The following CNTNAP5 variants were observed in gnomAD, a reference collection of about 807,000 sequenced individuals.
CNTNAP5 encodes contactin-associated protein-like 5.
A neutral mutation model predicts 150.2 loss-of-function variants in CNTNAP5; 72 were observed. That is an observed-to-expected ratio of 0.48 (90% CI 0.40 to 0.58). The LOEUF is 0.58. Ranked by LOEUF, CNTNAP5 falls within the 20% of genes least tolerant of loss-of-function variation. The pLI is 0.00. For synonymous variants in CNTNAP5, 672 were observed against 619.8 expected, an observed-to-expected ratio of 1.08 and a Z score of -1.25; for missense variants, 1,636 against 1,626.2, an observed-to-expected ratio of 1.01 and a Z score of -0.10.
At chr2:124,686,750 T>C (rs896535901) in intron 13 of CNTNAP5, among the ~76,000 whole-genome samples, 1 of 152,162 alleles carries the variant, frequency 6.6e-6, no homozygotes, top group Non-Finnish European at 1.5e-5. Flanking sequence ...TGGTTTGTTA[T>C]GCAGCAATAG....
intron 3 of CNTNAP5, among the ~76,000 whole-genome samples, chr2:124,362,743 A>C (rs1384103246): frequency 6.6e-6 from 1 of 152,192 alleles, no homozygotes; most frequent in African/African-American, 2.4e-5. Flanking sequence ...TGAGATTGCC[A>C]TCTGTACCTT....
At chr2:124,824,821 A>T (rs999640779) in intron 19 of CNTNAP5, among the ~76,000 whole-genome samples, 23 of 152,290 alleles carry the variant, frequency 1.5e-4, no homozygotes, top group Non-Finnish European at 2.8e-4. Flanking sequence ...TTCCTACAGG[A>T]CTGTCACACA....
chr2:124,760,661 G>A (rs1464755648), intron 14 of CNTNAP5, among the ~76,000 whole-genome samples: 1 of 152,010 alleles, frequency 6.6e-6, no homozygotes, highest in Non-Finnish European at 1.5e-5. Flanking sequence ...ATGTGCCCTT[G>A]TAGACTCCAT....
At chr2:124,706,961 GAGGAGA>G (rs1679675855) in intron 13 of CNTNAP5, among the ~76,000 whole-genome samples, 3 of 72,640 alleles carry the variant, frequency 4.1e-5, no homozygotes, top group African/African-American at 5.3e-5. Context: ...GGAGGAGGAG[GAGGAGA>G]AGAGGAAGAG....
chr2:124,039,667 C>T (rs978715954), intron 1 of CNTNAP5, among the ~76,000 whole-genome samples: 5 of 152,118 alleles, frequency 3.3e-5, no homozygotes, highest in Admixed American at 6.5e-5. Context: ...GTGTTTACTT[C>T]GGGTGCCATT....
At chr2:124,310,265 T>C (rs1688792179) in intron 3 of CNTNAP5, among the ~76,000 whole-genome samples, 1 of 152,042 alleles carries the variant, frequency 6.6e-6, no homozygotes, top group Admixed American at 6.6e-5. Context: ...CGGTCCCTGA[T>C]GTAGATTGTA....
intron 6 of CNTNAP5, among the ~76,000 whole-genome samples, chr2:124,465,896 T>C (rs1693366170): frequency 2.0e-5 from 3 of 152,150 alleles, no homozygotes; most frequent in African/African-American, 7.2e-5. Flanking sequence ...CTAGGAGTTC[T>C]TGGATGGAGG....
rs201904132 is a variant in CNTNAP5 at position 124,820,685 on chromosome 2, C to A, written c.3217+22365C>A. Among the ~76,000 whole-genome samples the A allele has an allele frequency of 3.3e-5, 5 of 152,006 alleles. No homozygotes were observed. In the East Asian group the frequency reaches 9.7e-4, roughly 29 times the overall value. On this transcript the variant is annotated intron_variant, in intron 19 of 23. Coordinates refer to ENST00000682447, the MANE Select transcript of CNTNAP5 (RefSeq NM_001367498.1). ...GTAATCTTCTCTTAAATATGGTAGT[C>A]CCTCATATTTATTCAACAAGTCATT...
intron 16 of CNTNAP5, among the ~76,000 whole-genome samples, chr2:124,764,616 A>C (rs765614992): frequency 6.6e-6 from 1 of 152,300 alleles, no homozygotes; most frequent in South Asian, 2.1e-4. Flanking sequence ...TTTCTCTGCC[A>C]CTTCCCCATG....
chr2:124,191,684 G>C (rs905339327), intron 1 of CNTNAP5, among the ~76,000 whole-genome samples: 1 of 152,074 alleles, frequency 6.6e-6, no homozygotes, highest in African/African-American at 2.4e-5. Flanking sequence ...GGGAGGCCCA[G>C]GCAGGTGGAT....
At chr2:124,150,441 T>A (rs1215416438) in intron 1 of CNTNAP5, among the ~76,000 whole-genome samples, 3 of 152,200 alleles carry the variant, frequency 2.0e-5, no homozygotes, top group African/African-American at 7.2e-5. Flanking sequence ...AATTTAGAGA[T>A]ATTGGATAAT....
At chr2:124,269,443 G>T (rs1422006237) in intron 3 of CNTNAP5, among the ~76,000 whole-genome samples, 1 of 152,090 alleles carries the variant, frequency 6.6e-6, no homozygotes, top group Non-Finnish European at 1.5e-5. Context: ...TGCTAGTAAT[G>T]CCTGCGATAA....
rs569764927 is a variant in CNTNAP5, at chr2:124,810,758, G to A, written c.3217+12438G>A. On this transcript the variant is annotated intron_variant, in intron 19 of 23. Transcript: ENST00000682447. ...CAGAGAAAAACCAGTCTGGGTCAAT[G>A]GTTCTCAGCTGGGCATGCTATTGCC... Among the ~76,000 whole-genome samples, 413 of 152,216 alleles carry A rather than the reference G, an allele frequency of 2.7e-3. 5 individuals carry two copies. Among genetic ancestry groups the A allele is most frequent in the African/African-American group, 9.5e-3 (396 of 41,552 alleles).
intron 4 of CNTNAP5, among the ~76,000 whole-genome samples, chr2:124,419,973 T>TCTCTTTCC: frequency 9.7e-6 from 1 of 102,734 alleles, no homozygotes; most frequent in Non-Finnish European, 2.0e-5. Flanking sequence ...TCTCTCTCTC[T>TCTCTTTCC]TTCTTTCTTT....
At chr2:124,407,930 G>A (rs925165970) in intron 3 of CNTNAP5, among the ~76,000 whole-genome samples, 3 of 152,158 alleles carry the variant, frequency 2.0e-5, no homozygotes, top group African/African-American at 4.8e-5. Flanking sequence ...CAGCGTGAGC[G>A]ACGCAGAAGA....
intron 8 of CNTNAP5, among the ~76,000 whole-genome samples, chr2:124,520,318 C>CT (rs1167449362): frequency 6.6e-6 from 1 of 152,194 alleles, no homozygotes; most frequent in Middle Eastern, 3.2e-3. Flanking sequence ...GTGTCAAGAA[C>CT]TACCTTCACC....
chr2:124,152,203 C>T (rs1312220530), intron 1 of CNTNAP5, among the ~76,000 whole-genome samples: 1 of 152,134 alleles, frequency 6.6e-6, no homozygotes, highest in African/African-American at 2.4e-5. Flanking sequence ...GTCTGACTTT[C>T]CTGTCTAAGT....
chr2:124,362,967 A>G (rs1053705689), intron 3 of CNTNAP5, among the ~76,000 whole-genome samples: 1 of 152,228 alleles, frequency 6.6e-6, no homozygotes, highest in East Asian at 1.9e-4. Context: ...ACTATGAGTC[A>G]GTCTCCTTTG....
In CNTNAP5 at chr2:124,538,010, C is replaced by T. The variant is rs142536040; in HGVS notation, c.1649+10554C>T. ...TAATCTGACATATTGATGCTGAAAA[C>T]GAAGCCAGAACCATGAGCCAGGTGA... is the stretch of plus-strand genomic sequence containing the variant. On this transcript the variant is annotated intron_variant, in intron 10 of 23. Transcript: ENST00000682447. 4.9e-3 allele frequency among the ~76,000 whole-genome samples: 745 copies of T among 152,266 alleles called. 9 individuals carry two copies. The highest frequency in any genetic ancestry group is 0.017 in the African/African-American group (719 of 41,554).
Sources: allele counts gnomAD v4.1 joint callset (sites outside exome capture counted in the v4.1 genomes callset), GRCh38; gene constraint gnomAD v4.1.1; transcripts MANE v1.5; gene names NCBI Gene and HGNC (gene_info 2026-07-23, HGNC 2026-07-21).